SLC35F3: variants seen among roughly 807,000 people sequenced by gnomAD.
SLC35F3 encodes the protein solute carrier family 35 member F3, also known as putative thiamine transporter SLC35F3.
Under a neutral mutation model 49.9 loss-of-function variants are expected in SLC35F3, and 25 were observed. The ratio of observed to expected loss-of-function variants is 0.50; its 90% CI spans 0.37 to 0.70. The LOEUF is 0.70. Among genes scored for constraint, SLC35F3 ranks in the 30% least tolerant of loss-of-function variants. The pLI is 0.00. For missense variants in SLC35F3, 525 were observed against 639.8 expected (o/e 0.82, Z 1.94); for synonymous variants, 275 against 265.4 (o/e 1.04, Z -0.35).
At chr1:234,140,002 A>AATAAAATAAAATAAATAAAAT in intron 2 of SLC35F3, among the ~76,000 whole-genome samples, 1 of 105,368 alleles carries the variant, frequency 9.5e-6, no homozygotes, top group Non-Finnish European at 2.4e-5. Flanking sequence ...AATAAAATAA[A>AATAAAATAAAATAAATAAAAT]GTAAGTGACT....
chr1:234,263,340 G>C (rs1266396284), intron 3 of SLC35F3, among the ~76,000 whole-genome samples: 1 of 152,102 alleles, frequency 6.6e-6, no homozygotes. Flanking sequence ...AAGGAGTACA[G>C]GAATTTCTGA....
intron 2 of SLC35F3, among the ~76,000 whole-genome samples, chr1:233,985,200 A>G (rs764404745): frequency 2.7e-4 from 41 of 152,190 alleles, no homozygotes; most frequent in Non-Finnish European, 4.4e-5. Context: ...CCTCAGTGGC[A>G]TATGTCGTCA....
intron 2 of SLC35F3, among the ~76,000 whole-genome samples, chr1:234,015,749 G>A (rs1248967629): frequency 6.6e-6 from 1 of 152,196 alleles, no homozygotes; most frequent in African/African-American, 2.4e-5. Flanking sequence ...TCTGGGCAAT[G>A]ATGTTTTGAA....
chr1:233,998,295 G>A (rs916312566), intron 2 of SLC35F3, among the ~76,000 whole-genome samples: 2 of 151,792 alleles, frequency 1.3e-5, no homozygotes, highest in Non-Finnish European at 2.9e-5. Flanking sequence ...GGATATCAGG[G>A]ATTTGTCATA....
chr1:234,262,015 T>A (rs1667913255), intron 3 of SLC35F3, among the ~76,000 whole-genome samples: 1 of 152,220 alleles, frequency 6.6e-6, no homozygotes, highest in South Asian at 2.1e-4. Flanking sequence ...CCCAGGACAG[T>A]TGCCTGGTTG....
chr1:234,236,860 ATTG>A (rs1010059938), intron 3 of SLC35F3, among the ~76,000 whole-genome samples: 7 of 149,166 alleles, frequency 4.7e-5, no homozygotes, highest in Non-Finnish European at 7.4e-5. Context: ...GTGGATGACA[ATTG>A]TTGTTCTTGA....
chr1:233,904,989 T>C lies in SLC35F3; in HGVS notation c.-89T>C. 1 of 1,441,006 alleles carries C rather than the reference T, an allele frequency of 6.9e-7. No individual in the cohort carries two copies. The highest frequency in any genetic ancestry group is 9.5e-7 in the Non-Finnish European group (1 of 1,055,938). The allele number at this position is 1,441,006 out of a possible 1,614,324, so 89.3% of individuals were successfully genotyped here. On this transcript the variant is annotated 5_prime_UTR_variant, in exon 1 of 8. Transcript: ENST00000366618. Reference sequence around the variant, plus strand: ...ACCCTCGGTGGGCAGCGCACTCCAGTCTTCCCAGGCTAGCGGCTGCAGGGA... The same window carrying C: ...ACCCTCGGTGGGCAGCGCACTCCAGCCTTCCCAGGCTAGCGGCTGCAGGGA...
chr1:234,222,986 A>C (rs1181012536), intron 2 of SLC35F3, among the ~76,000 whole-genome samples: 1 of 152,180 alleles, frequency 6.6e-6, no homozygotes, highest in East Asian at 1.9e-4. Context: ...TATGGATTAA[A>C]ACTGATGCCC....
At chr1:234,037,314 G>A (rs2102851210) in intron 2 of SLC35F3, among the ~76,000 whole-genome samples, 1 of 152,214 alleles carries the variant, frequency 6.6e-6, no homozygotes, top group African/African-American at 2.4e-5. Flanking sequence ...GTTCTTGCAG[G>A]AGCTAATAAA....
chr1:234,178,866 G>T (rs1666516761), intron 2 of SLC35F3, among the ~76,000 whole-genome samples: 1 of 152,204 alleles, frequency 6.6e-6, no homozygotes, highest in Non-Finnish European at 1.5e-5. Flanking sequence ...AATGACATGT[G>T]TATCTATCAT....
chr1:234,233,814 C>G (rs1320207066), intron 3 of SLC35F3, among the ~76,000 whole-genome samples: 1 of 152,228 alleles, frequency 6.6e-6, no homozygotes, highest in Non-Finnish European at 1.5e-5. Flanking sequence ...TTTCTGTCAT[C>G]ACATTCTGCT....
intron 2 of SLC35F3, among the ~76,000 whole-genome samples, chr1:234,035,455 G>A (rs1003194905): frequency 4.6e-5 from 7 of 152,066 alleles, no homozygotes; most frequent in Admixed American, 3.3e-4. Context: ...ATGCCTTAAC[G>A]TGGGTTTATT....
intron 2 of SLC35F3, among the ~76,000 whole-genome samples, chr1:234,211,165 C>T (rs193254042): frequency 6.6e-6 from 1 of 152,364 alleles, no homozygotes; most frequent in East Asian, 1.9e-4. Flanking sequence ...GTTTGGGAAC[C>T]TTTACCTAGA....
chr1:234,165,441 G>A (rs763519953), intron 2 of SLC35F3, among the ~76,000 whole-genome samples: 17 of 152,134 alleles, frequency 1.1e-4, no homozygotes, highest in Admixed American at 3.9e-4. Flanking sequence ...CCTTTCAGTT[G>A]AATACAGTTG....
At chr1:234,136,238 C>G (rs963744018) in intron 2 of SLC35F3, among the ~76,000 whole-genome samples, 4 of 151,412 alleles carry the variant, frequency 2.6e-5, no homozygotes, top group Non-Finnish European at 5.9e-5. Flanking sequence ...TCCTCCCTTC[C>G]TCTCTTTCTC....
Position 234,323,072 on chromosome 1 carries a change from C to T in SLC35F3, c.1302C>T (p.Ile434=), listed in dbSNP as rs751535273. The change falls in exon 8 of 8, where the codon ATC becomes ATT. Residue 434 remains isoleucine, a synonymous_variant. Transcript: ENST00000366618. This position sits in a 1 kb window ranked among gnomAD's most constrained non-coding sequence, Gnocchi z 4.5. ...NGVRVIAIII[I]GLGFLLLLLP... The stretch of plus-strand genomic sequence containing the variant: ...TCCGGGTCATCGCCATCATCATCAT[C>T]GGCCTGGGTTTTCTCCTCCTGCTCC... 18 of 1,614,012 alleles carry T rather than the reference C, an allele frequency of 1.1e-5. 1 individual carries two copies. Among genetic ancestry groups the T allele is most frequent in the Middle Eastern group, 3.3e-4 (2 of 6,060 alleles).
At chr1:234,306,735 A>C (rs1657197337) in intron 3 of SLC35F3, among the ~76,000 whole-genome samples, 1 of 152,142 alleles carries the variant, frequency 6.6e-6, no homozygotes, top group Non-Finnish European at 1.5e-5. Flanking sequence ...TGGGCCATCA[A>C]TACCAAGCCA....
intron 2 of SLC35F3, among the ~76,000 whole-genome samples, chr1:233,939,455 C>T (rs187915189): frequency 1.1e-4 from 17 of 151,832 alleles, no homozygotes; most frequent in African/African-American, 3.6e-4. Flanking sequence ...ATCCTGTCTC[C>T]GAAAAGAAAA....
intron 2 of SLC35F3, among the ~76,000 whole-genome samples, chr1:234,054,246 G>C (rs1344734454): frequency 6.6e-6 from 1 of 152,130 alleles, no homozygotes; most frequent in Non-Finnish European, 1.5e-5. Context: ...TTTCCAACTT[G>C]GTTCCATTCT....
Sources: gnomAD v4.1 joint callset for allele counts (sites outside exome capture counted in the v4.1 genomes callset) on GRCh38, gnomAD v4.1.1 for gene constraint, Gnocchi (gnomAD v3.1) non-coding constraint, MANE v1.5 for transcripts, NCBI Gene and HGNC (gene_info 2026-07-23, HGNC 2026-07-21) for gene names.